PTPRD: variants seen among roughly 807,000 people sequenced by gnomAD.
The protein encoded by PTPRD is protein tyrosine phosphatase receptor type D.
In PTPRD, 34 loss-of-function variants were observed where a neutral mutation model predicts 214.5. That is an observed-to-expected ratio of 0.16 (90% CI 0.12 to 0.21). The LOEUF (loss-of-function observed/expected upper bound fraction) is 0.21. Ranked by LOEUF, PTPRD falls within the 10% of genes least tolerant of loss-of-function variation. The pLI is 1.00. For synonymous variants in PTPRD, 1,128 were observed against 845.7 expected (o/e 1.33, Z -5.79); for missense variants, 2,545 against 2,398.7 (o/e 1.06, Z -1.27).
intron 7 of PTPRD, among the ~76,000 whole-genome samples, chr9:9,626,017 T>C (rs920405892): frequency 7.9e-5 from 12 of 152,040 alleles, no homozygotes; most frequent in Admixed American, 5.9e-4. Context: ...CAATCAACAA[T>C]AGGTAAGCGA....
chr9:10,394,957 C>CTTTTTTTTT (rs34786789), intron 2 of PTPRD, among the ~76,000 whole-genome samples: 1 of 133,192 alleles, frequency 7.5e-6, no homozygotes, highest in African/African-American at 2.9e-5. Context: ...TTTTCTTTTT[C>CTTTTTTTTT]TTTTTTTTTT....
intron 9 of PTPRD, among the ~76,000 whole-genome samples, chr9:9,195,765 G>T (rs1035362801): frequency 1.3e-5 from 2 of 150,462 alleles, no homozygotes; most frequent in Non-Finnish European, 2.9e-5. Flanking sequence ...AGTATACATA[G>T]GCTGTAAATT....
chr9:10,202,299 G>A (rs1307005024), intron 3 of PTPRD, among the ~76,000 whole-genome samples: 1 of 151,656 alleles, frequency 6.6e-6, no homozygotes, highest in Non-Finnish European at 1.5e-5. Flanking sequence ...TGGAAAGCAG[G>A]AGCCCCCCCA....
intron 10 of PTPRD, among the ~76,000 whole-genome samples, chr9:9,027,037 C>A (rs1410653935): frequency 2.0e-5 from 3 of 151,476 alleles, no homozygotes; most frequent in Non-Finnish European, 4.4e-5. Context: ...TCACTGGATA[C>A]TCCCCTCTCT....
intron 5 of PTPRD, among the ~76,000 whole-genome samples, chr9:9,874,404 T>C (rs901913952): frequency 1.3e-5 from 2 of 152,142 alleles, no homozygotes; most frequent in Non-Finnish European, 2.9e-5. Context: ...ATATCAATAT[T>C]ATATACATTT....
At chr9:10,155,929 T>C (rs1199030440) in intron 3 of PTPRD, among the ~76,000 whole-genome samples, 1 of 152,034 alleles carries the variant, frequency 6.6e-6, no homozygotes, top group African/African-American at 2.4e-5. Flanking sequence ...GTCTCTGGCA[T>C]GTTTGGATAT....
intron 5 of PTPRD, among the ~76,000 whole-genome samples, chr9:9,797,316 A>T (rs975669288): frequency 1.4e-4 from 19 of 136,330 alleles, no homozygotes; most frequent in South Asian, 4.6e-4. Context: ...TCAAATTTTT[A>T]AAAAAATTAA....
At chr9:9,089,249 G>A (rs762569858) in intron 10 of PTPRD, among the ~76,000 whole-genome samples, 3 of 152,036 alleles carry the variant, frequency 2.0e-5, no homozygotes, top group Non-Finnish European at 4.4e-5. Flanking sequence ...AATATTTTAG[G>A]CCTTATGAGC....
At chr9:9,844,513 G>A (rs1319606886) in intron 5 of PTPRD, among the ~76,000 whole-genome samples, 1 of 151,826 alleles carries the variant, frequency 6.6e-6, no homozygotes, top group Non-Finnish European at 1.5e-5. Context: ...ATCTGCCTGG[G>A]TGCCTAGAAA....
intron 6 of PTPRD, among the ~76,000 whole-genome samples, chr9:9,744,574 A>C (rs987039670): frequency 1.2e-4 from 19 of 152,172 alleles, no homozygotes; most frequent in African/African-American, 4.6e-4. Flanking sequence ...GTCTTCTCTA[A>C]TGACATAAGT....
chr9:10,434,931 T>C (rs182777096), intron 2 of PTPRD, among the ~76,000 whole-genome samples: 1 of 151,960 alleles, frequency 6.6e-6, no homozygotes, highest in East Asian at 1.9e-4. Context: ...CTTCATGCAC[T>C]GAGTGAGGTA....
At chr9:10,159,760 G>A (rs895638593) in intron 3 of PTPRD, among the ~76,000 whole-genome samples, 2 of 151,786 alleles carry the variant, frequency 1.3e-5, no homozygotes, top group Non-Finnish European at 2.9e-5. Context: ...GGATCAAGCA[G>A]AGGAAATAAT....
At chr9:9,492,946 T>C (rs907839991) in intron 8 of PTPRD, among the ~76,000 whole-genome samples, 1 of 146,802 alleles carries the variant, frequency 6.8e-6, no homozygotes, top group Admixed American at 7.0e-5. Flanking sequence ...ACCCAACCCA[T>C]ATAAGACGAC....
intron 2 of PTPRD, among the ~76,000 whole-genome samples, chr9:10,558,134 G>C (rs1266372630): frequency 2.0e-5 from 3 of 152,258 alleles, no homozygotes; most frequent in East Asian, 1.9e-4. Context: ...TATGCTGAAA[G>C]AGTGCCCTTT....
At chr9:8,355,024 C>T (rs369334944) in intron 39 of PTPRD, among the ~76,000 whole-genome samples, 24 of 152,200 alleles carry the variant, frequency 1.6e-4, no homozygotes, top group African/African-American at 5.5e-4. Context: ...TGTGTACCCT[C>T]CAAATCTCAT....
intron 14 of PTPRD, among the ~76,000 whole-genome samples, chr9:8,591,940 G>C (rs753135178): frequency 1.5e-4 from 23 of 151,996 alleles, no homozygotes; most frequent in Non-Finnish European, 2.9e-4. Context: ...ATGAATTTCT[G>C]GACAGAGAAA....
intron 5 of PTPRD, among the ~76,000 whole-genome samples, chr9:9,797,243 G>GTT (rs56375104): frequency 0.065 from 6,408 of 97,920 alleles, 279 homozygotes; most frequent in Middle Eastern, 0.13. Flanking sequence ...ATTTCAGGCA[G>GTT]TTTTTTTTTT....
At chr9:9,711,761 C>T (rs943220886) in intron 7 of PTPRD, among the ~76,000 whole-genome samples, 1 of 152,112 alleles carries the variant, frequency 6.6e-6, no homozygotes, top group Non-Finnish European at 1.5e-5. Flanking sequence ...TATAGCATGA[C>T]CTTAAATGTC....
At chr9:8,784,993 T>C (rs779368345) in intron 11 of PTPRD, among the ~76,000 whole-genome samples, 3 of 151,936 alleles carry the variant, frequency 2.0e-5, no homozygotes, top group African/African-American at 4.8e-5. Flanking sequence ...TTACAACAGC[T>C]GGGATCTTGT....
Sources: allele counts gnomAD v4.1 joint callset (sites outside exome capture counted in the v4.1 genomes callset), GRCh38; gene constraint gnomAD v4.1.1; transcripts MANE v1.5; gene names NCBI Gene and HGNC (gene_info 2026-07-23, HGNC 2026-07-21).